TLR5: variants seen among roughly 807,000 people sequenced by gnomAD.
TLR5 encodes the protein toll like receptor 5, also known as toll-like receptor 5.
For synonymous variants in TLR5, 373 were observed against 384.4 expected (o/e 0.97, Z 0.35); for missense variants, 944 against 999.8 (o/e 0.94, Z 0.75).
intron 5 of TLR5, among the ~76,000 whole-genome samples, chr1:223,116,751 A>G (rs1656675416): frequency 6.6e-6 from 1 of 152,150 alleles, no homozygotes; most frequent in Non-Finnish European, 1.5e-5. Context: ...TGGTGCATTT[A>G]CAATAGATTA....
At chr1:223,114,399 CT>C (rs1656522395) in intron 5 of TLR5, among the ~76,000 whole-genome samples, 1 of 151,962 alleles carries the variant, frequency 6.6e-6, no homozygotes, top group South Asian at 2.1e-4. Flanking sequence ...AATGAAAGGC[CT>C]CTGTTGGAAG....
At chr1:223,116,814 G>T (rs1656677968) in intron 5 of TLR5, among the ~76,000 whole-genome samples, 1 of 152,176 alleles carries the variant, frequency 6.6e-6, no homozygotes, top group African/African-American at 2.4e-5. Flanking sequence ...CTAGACACAG[G>T]GTGCTGATTG....
chr1:223,112,906 G>A lies in TLR5; in HGVS notation c.126C>T (p.Pro42=). 1.2e-6 allele frequency: 2 copies of A among 1,614,180 alleles called. No homozygotes were observed. The highest frequency in any genetic ancestry group is 1.7e-6 in the Non-Finnish European group (2 of 1,180,030). The change falls in exon 6 of 6, where the codon CCC becomes CCT. Residue 42 remains proline (P), a synonymous_variant. Coordinates refer to ENST00000642603, the MANE Select transcript of TLR5 (RefSeq NM_003268.6). ...GCCTCTCAGTGGTGTTGAGGACCTG[G>A]GGGACCTGGGTGAGGTTGCAGAAAC... is the stretch of plus-strand genomic sequence containing the variant. The part of the protein sequence containing the change: ...FYRFCNLTQV[P]QVLNTTERLL...
At chr1:223,125,339 A>G (rs1657123313) in intron 5 of TLR5, among the ~76,000 whole-genome samples, 1 of 152,212 alleles carries the variant, frequency 6.6e-6, no homozygotes, top group Non-Finnish European at 1.5e-5. Context: ...CTGCACCTGC[A>G]AGGCTGAGTA....
Position 223,111,202 on chromosome 1 carries a change from A to G in TLR5, c.1830T>C (p.Cys610=). ...CCCCAGAGAACGAGTCAGGGTACAC[A>G]CAATATATGTCTGCAGGAGGCCCAG... is the stretch of plus-strand genomic sequence containing the variant. ...TIAGPPADIY[C]VYPDSFSGVS... The change falls in exon 6 of 6, where the codon TGT becomes TGC. Residue 610 remains cysteine (C), a synonymous_variant. Coordinates refer to ENST00000642603, the MANE Select transcript of TLR5 (RefSeq NM_003268.6). 1 of 1,614,226 alleles carries G rather than the reference A, an allele frequency of 6.2e-7. No individual in the cohort carries two copies. The highest frequency in any genetic ancestry group is 8.5e-7 in the Non-Finnish European group (1 of 1,180,028).
intron 5 of TLR5, among the ~76,000 whole-genome samples, chr1:223,116,006 G>A (rs971436974): frequency 6.6e-5 from 10 of 151,918 alleles, no homozygotes; most frequent in East Asian, 3.9e-4. Context: ...CTCTTACTGT[G>A]GCGAGATCTC....
At chr1:223,124,610 GTTATT>G (rs924910284) in intron 5 of TLR5, among the ~76,000 whole-genome samples, 1 of 152,010 alleles carries the variant, frequency 6.6e-6, no homozygotes, top group African/African-American at 2.4e-5. Flanking sequence ...CAGCTTGTGA[GTTATT>G]TTATTTTTAT....
chr1:223,125,204 T>A (rs1657118014), intron 5 of TLR5, among the ~76,000 whole-genome samples: 1 of 152,174 alleles, frequency 6.6e-6, no homozygotes, highest in Non-Finnish European at 1.5e-5. Flanking sequence ...AATACATCAA[T>A]CACGTTAGAA....
chr1:223,123,945 G>T (rs1442005784), intron 5 of TLR5: 1 of 152,162 alleles, frequency 6.6e-6, no homozygotes, highest in Non-Finnish European at 1.5e-5. Flanking sequence ...ATTCTCAAGG[G>T]GGCAGTGAGC....
chr1:223,112,770 T>C lies in TLR5; in HGVS notation c.262A>G (p.Lys88Glu). Residue 88 changes from lysine (K) to glutamate (E), a missense_variant, in exon 6 of 6, where the codon AAG becomes GAG. Physicochemically the swap from Lys to Glu is moderately conservative, Grantham distance 56 (BLOSUM62 1). Coordinates refer to ENST00000642603, the MANE Select transcript of TLR5 (RefSeq NM_003268.6). The part of the protein sequence containing the change: ...GSQYTPLTID[K>E]EAFRNLPNLR... Reference sequence around the variant, plus strand: ...TTGGGCAGGTTTCTGAAGGCCTCCTTGTCAATAGTCAAGGGGGTATACTGG... The same window carrying C: ...TTGGGCAGGTTTCTGAAGGCCTCCTCGTCAATAGTCAAGGGGGTATACTGG... The C allele has an allele frequency of 6.2e-7, 1 of 1,613,954 alleles. No individual in the cohort carries two copies. The highest frequency in any genetic ancestry group is 8.5e-7 in the Non-Finnish European group (1 of 1,179,954).
chr1:223,121,647 T>C (rs1016710703), intron 5 of TLR5, among the ~76,000 whole-genome samples: 14 of 152,196 alleles, frequency 9.2e-5, no homozygotes, highest in African/African-American at 3.1e-4. Flanking sequence ...GCCTCCTGAA[T>C]AGCTGGGACC....
intron 2 of TLR5, chr1:223,141,414 A>C (rs187396635): frequency 1.3e-5 from 2 of 152,148 alleles, no homozygotes; most frequent in Admixed American, 1.3e-4. Context: ...TTTTGGAAGG[A>C]AGAATCAGTC....
intron 2 of TLR5, among the ~76,000 whole-genome samples, chr1:223,137,775 ATC>A (rs1470561323): frequency 1.3e-5 from 2 of 152,044 alleles, no homozygotes; most frequent in Non-Finnish European, 2.9e-5. Context: ...AGGGAGGCAG[ATC>A]TCTCTTACCA....
At position 223,112,400 on chromosome 1, in the gene TLR5, CTGCTATACAA is replaced by C. The variant is rs1558118730; in HGVS notation, c.622_631del (p.Leu208GlufsTer10). 2 of 1,614,226 alleles carry C rather than the reference CTGCTATACAA, an allele frequency of 1.2e-6. No homozygotes were observed. Among genetic ancestry groups the C allele is most frequent in the Admixed American group, 3.3e-5 (2 of 60,030 alleles). On this transcript the variant is annotated frameshift_variant, in exon 6 of 6. Transcript: ENST00000642603. LOFTEE classifies it low-confidence loss of function (END_TRUNC). ...ACATTTTCCCCAGTCCACTGAGACT[CTGCTATACAA>C]GCTATTAGCTGCGAGGCTAAAAAAG...
At chr1:223,124,304 G>A (rs1021960543) in intron 5 of TLR5, among the ~76,000 whole-genome samples, 4 of 152,056 alleles carry the variant, frequency 2.6e-5, no homozygotes, top group Admixed American at 6.6e-5. Flanking sequence ...TTAGCTGTGT[G>A]TGGTGGTGGG....
chr1:223,112,112 A>G lies in TLR5; in HGVS notation c.920T>C (p.Val307Ala), dbSNP rs753336911. The change falls in exon 6 of 6, where the codon GTC becomes GCC. Residue 307 changes from valine (V) to alanine (A), a missense_variant. Physicochemically the swap from Val to Ala is moderately conservative, Grantham distance 64 (BLOSUM62 0). Coordinates refer to ENST00000642603, the MANE Select transcript of TLR5 (RefSeq NM_003268.6). ...CTTCAAATCCTTGAGTGTCTCAAAG[A>G]CTCGTGAGTTCAGGGAGAAGACAAA... is the stretch of plus-strand genomic sequence containing the variant. ...HGFVFSLNSR[V>A]FETLKDLKVL... 1.2e-6 allele frequency: 2 copies of G among 1,614,144 alleles called. No homozygotes were observed.
rs1656335613 is a variant in TLR5, at chr1:223,111,508, A to G, written c.1524T>C (p.Tyr508=). The change falls in exon 6 of 6, where the codon TAT becomes TAC. Residue 508 remains tyrosine (Y), a synonymous_variant. Coordinates refer to ENST00000642603, the MANE Select transcript of TLR5 (RefSeq NM_003268.6). ...FEGLSHLQVL[Y]LNHNYLNSLP... The stretch of plus-strand genomic sequence containing the variant: ...GGGAATTAAGATAGTTATGATTCAA[A>G]TACAGAACTTGAAGATGAGAAAGTC... 1.2e-6 allele frequency: 2 copies of G among 1,614,080 alleles called. No homozygotes were observed. The highest frequency in any genetic ancestry group is 1.3e-5 in the African/African-American group (1 of 74,926).
intron 5 of TLR5, among the ~76,000 whole-genome samples, chr1:223,115,977 G>C (rs758727612): frequency 2.0e-4 from 31 of 152,162 alleles, no homozygotes; most frequent in Non-Finnish European, 4.4e-4. Context: ...CTTCCTTCAT[G>C]TGAACCCTCT....
intron 5 of TLR5, among the ~76,000 whole-genome samples, chr1:223,123,114 C>T (rs2102900411): frequency 6.6e-6 from 1 of 152,146 alleles, no homozygotes; most frequent in East Asian, 1.9e-4. Context: ...CAGGAAAGAA[C>T]AAACTTGGAC....
Sources: gnomAD v4.1 joint callset for allele counts (sites outside exome capture counted in the v4.1 genomes callset) on GRCh38, gnomAD v4.1.1 for gene constraint, MANE v1.5 for transcripts, NCBI Gene and HGNC (gene_info 2026-07-23, HGNC 2026-07-21) for gene names.